Variants in RNF212B observed in about 807,000 individuals in gnomAD.
RNF212B encodes the protein E3 ubiquitin-protein ligase RNF212B.
Under a neutral mutation model 55.5 loss-of-function variants are expected in RNF212B, and 52 were observed. That is an observed-to-expected ratio of 0.94 (90% CI 0.75 to 1.18). The LOEUF (loss-of-function observed/expected upper bound fraction) is 1.18, where lower values mean the gene tolerates loss of function less well. Ranked by LOEUF, RNF212B falls within the 50% of genes most tolerant of loss-of-function variation. The pLI is 0.00. For missense variants in RNF212B, 289 were observed against 350.4 expected (o/e 0.82, Z 1.40); for synonymous variants, 99 against 121.4 (o/e 0.82, Z 1.21).
At chr14:23,188,324 T>A (rs1196651010) in intron 1 of RNF212B, 2 of 152,198 alleles carry the variant, frequency 1.3e-5, no homozygotes. Context: ...TTTTCTTGAT[T>A]CTTTTGCTGG....
At chr14:23,265,312 A>C (rs989857435) in intron 11 of RNF212B, among the ~76,000 whole-genome samples, 2 of 152,220 alleles carry the variant, frequency 1.3e-5, no homozygotes, top group African/African-American at 4.8e-5. Flanking sequence ...GGTTCACAGG[A>C]TGCTGATTGT....
intron 2 of RNF212B, among the ~76,000 whole-genome samples, chr14:23,220,393 C>T (rs1270150677): frequency 6.6e-6 from 1 of 151,858 alleles, no homozygotes; most frequent in African/African-American, 2.4e-5. Context: ...TTAGCTGGGT[C>T]TGGTGGTGCA....
chr14:23,199,861 T>C (rs1261204432), intron 2 of RNF212B, among the ~76,000 whole-genome samples: 1 of 152,130 alleles, frequency 6.6e-6, no homozygotes, highest in African/African-American at 2.4e-5. Context: ...TTAGCTGGGC[T>C]TTAAGAAAGC....
At chr14:23,253,101 A>C (rs1696108889) in intron 4 of RNF212B, among the ~76,000 whole-genome samples, 1 of 152,180 alleles carries the variant, frequency 6.6e-6, no homozygotes, top group Admixed American at 6.5e-5. Flanking sequence ...TTTTAAAGCC[A>C]AAACCAAATA....
At chr14:23,246,004 A>AT (rs1424679146) in intron 4 of RNF212B, among the ~76,000 whole-genome samples, 1 of 152,028 alleles carries the variant, frequency 6.6e-6, no homozygotes, top group Non-Finnish European at 1.5e-5. Flanking sequence ...ACTTAAGGCC[A>AT]TTTTTCTGCT....
rs546172222 is a variant in RNF212B at position 23,238,070 on chromosome 14, C to A, written c.-2+15C>A. On this transcript the variant is annotated intron_variant, in intron 1 of 14. Transcript: ENST00000430154. ...CGGCCAAGCGGGTAGGGAGTGTAGC[C>A]AGAAAAAGAACTGAGAAGCTTGAGA... is the stretch of plus-strand genomic sequence containing the variant. 6.6e-6 allele frequency among the ~76,000 whole-genome samples: 1 copy of A among 152,238 alleles called. No homozygotes were observed. The highest frequency in any genetic ancestry group is 1.9e-4 in the East Asian group (1 of 5,174).
At chr14:23,245,617 C>T (rs1301936108) in intron 4 of RNF212B, among the ~76,000 whole-genome samples, 1 of 152,152 alleles carries the variant, frequency 6.6e-6, no homozygotes, top group East Asian at 1.9e-4. Flanking sequence ...AATGTGTTTT[C>T]CTAATTTGTG....
At chr14:23,264,823 T>A (rs11628689) in intron 11 of RNF212B, among the ~76,000 whole-genome samples, 152 bp downstream of exon 11, 53,433 of 151,146 alleles carry the variant, frequency 0.35, 10,715 homozygotes, top group African/African-American at 0.55. Context: ...ACAAGGTTTT[T>A]TTTTTTTTTT....
At chr14:23,191,655 T>C (rs1006364447) in intron 1 of RNF212B, among the ~76,000 whole-genome samples, 12 of 152,134 alleles carry the variant, frequency 7.9e-5, no homozygotes, top group African/African-American at 2.2e-4. Flanking sequence ...GAGGGAAGGA[T>C]AGGTTACCAG....
At chr14:23,241,094 C>G (rs932495475) in intron 2 of RNF212B, among the ~76,000 whole-genome samples, 1 of 151,712 alleles carries the variant, frequency 6.6e-6, no homozygotes, top group Non-Finnish European at 1.5e-5. Flanking sequence ...AGAAGAGGGA[C>G]TTGGGGTAGG....
chr14:23,214,483 G>A (rs976788205), intron 2 of RNF212B, among the ~76,000 whole-genome samples: 6 of 151,910 alleles, frequency 3.9e-5, no homozygotes, highest in African/African-American at 1.5e-4. Flanking sequence ...AACAGAGTGA[G>A]ACTCAGTCCC....
chr14:23,221,203 A>G (rs950136044), intron 2 of RNF212B, among the ~76,000 whole-genome samples: 4 of 151,262 alleles, frequency 2.6e-5, no homozygotes, highest in African/African-American at 9.7e-5. Flanking sequence ...CCTGGCCAGC[A>G]TGGTGAAACC....
chr14:23,272,435 A>G (rs1243127168), intron 14 of RNF212B: 1 of 256,590 alleles, frequency 3.9e-6, no homozygotes, highest in Non-Finnish European at 7.6e-6. Context: ...ACAACAAACA[A>G]ACAAACAAAC....
At chr14:23,243,717 AAAGC>A (rs1555316871) in intron 3 of RNF212B, among the ~76,000 whole-genome samples, 9,275 of 116,644 alleles carry the variant, frequency 0.08, 531 homozygotes, top group African/African-American at 0.1. Flanking sequence ...AAAAAAAAAA[AAAGC>A]AAGCAAGCAA....
intron 5 of RNF212B, chr14:23,259,376 T>C (rs1203830745): frequency 6.6e-6 from 1 of 150,934 alleles, no homozygotes; most frequent in Non-Finnish European, 1.5e-5. Context: ...TTTTTTTTTT[T>C]TTTGTAGAGA....
intron 9 of RNF212B, 26 bp downstream of exon 9, chr14:23,262,996 C>G: frequency 1.3e-6 from 2 of 1,546,342 alleles, no homozygotes; most frequent in Non-Finnish European, 1.7e-6. Flanking sequence ...AACATTAAAA[C>G]TGTTGGCAAA....
chr14:23,264,101 CA>C (rs1163664427), intron 9 of RNF212B, 72 bp from the exon 10 acceptor site: 3 of 1,312,860 alleles, frequency 2.3e-6, no homozygotes, highest in Non-Finnish European at 3.2e-6. Context: ...AAAACCAAAA[CA>C]AAAAAACAAC....
At chr14:23,194,689 C>T (rs1051074886) in intron 2 of RNF212B, among the ~76,000 whole-genome samples, 64 of 127,016 alleles carry the variant, frequency 5.0e-4, no homozygotes, top group African/African-American at 1.8e-3. Context: ...GAGCCGAGAT[C>T]GTGCCACTGC....
chr14:23,270,099 AAGAG>A (rs1230960251), intron 13 of RNF212B, 139 bp downstream of exon 13: 1 of 623,024 alleles, frequency 1.6e-6, no homozygotes, highest in African/African-American at 1.8e-5. Flanking sequence ...AATATTCTTT[AAGAG>A]CCATCCCATT....
Sources: gnomAD v4.1 joint callset for allele counts (sites outside exome capture counted in the v4.1 genomes callset) on GRCh38, gnomAD v4.1.1 for gene constraint, MANE v1.5 for transcripts, NCBI Gene and HGNC (gene_info 2026-07-23, HGNC 2026-07-21) for gene names.